The following NR2F1-AS1 variants were observed in gnomAD, a reference collection of about 807,000 sequenced individuals.
NR2F1-AS1 encodes NR2F1 regulatory antisense RNA 1.
intron 1 of NR2F1-AS1, chr5:93,570,305 A>T (rs1319041044): frequency 6.6e-6 from 1 of 152,354 alleles, no homozygotes; most frequent in Non-Finnish European, 1.5e-5. Context: ...TCCTACCCCT[A>T]CCAGCAGCCC....
chr5:93,496,757 T>C (rs910906978), intron 4 of NR2F1-AS1, among the ~76,000 whole-genome samples: 10 of 152,186 alleles, frequency 6.6e-5, no homozygotes, highest in Admixed American at 5.9e-4. Context: ...ATATTCATAT[T>C]TGGTATCTCA....
intron 4 of NR2F1-AS1, among the ~76,000 whole-genome samples, chr5:93,466,976 C>G (rs1186011574): frequency 7.0e-6 from 1 of 143,000 alleles, no homozygotes; most frequent in East Asian, 2.2e-4. Flanking sequence ...TCTCAGCTCT[C>G]TGCAAACTCC....
At chr5:93,474,949 C>A (rs1270240623) in intron 4 of NR2F1-AS1, among the ~76,000 whole-genome samples, 2 of 152,028 alleles carry the variant, frequency 1.3e-5, no homozygotes, top group East Asian at 3.9e-4. Context: ...CACGGTGAAA[C>A]CCCGTCTCTA....
intron 4 of NR2F1-AS1, among the ~76,000 whole-genome samples, chr5:93,522,120 T>C (rs897842704): frequency 6.6e-6 from 1 of 152,122 alleles, no homozygotes. Context: ...GGAAACGAAA[T>C]ACCACATGTT....
In NR2F1-AS1 at chr5:93,491,127, TGGTAGTCCC is replaced by T. The variant is rs1750836329; in HGVS notation, n.638+62625_638+62633del. Among the ~76,000 whole-genome samples, 3 of 151,298 alleles carry T rather than the reference TGGTAGTCCC, an allele frequency of 2.0e-5. No homozygotes were observed. In the South Asian group the frequency reaches 6.3e-4, roughly 32 times the overall value. Reference sequence around the variant, plus strand: ...ATGCTGGTGATGAGAGTGGTGGTGGTGGTAGTCCCGGTAATGGTGGTGTTTATGGTGGTT... The same window carrying T: ...ATGCTGGTGATGAGAGTGGTGGTGGTGGTAATGGTGGTGTTTATGGTGGTT... On this transcript the variant is annotated intron_variant and non_coding_transcript_variant, in intron 4 of 5. Coordinates refer to ENST00000660523, the Ensembl canonical transcript of NR2F1-AS1.
At chr5:93,421,870 C>T (rs537468661) in intron 4 of NR2F1-AS1, among the ~76,000 whole-genome samples, 1 of 152,154 alleles carries the variant, frequency 6.6e-6, no homozygotes, top group East Asian at 1.9e-4. Context: ...CATAATTGGG[C>T]TTCTGTCACT....
chr5:93,525,876 T>C (rs1022467654), intron 4 of NR2F1-AS1, among the ~76,000 whole-genome samples: 12 of 152,304 alleles, frequency 7.9e-5, no homozygotes, highest in African/African-American at 2.9e-4. Context: ...GGGAAATTTA[T>C]AGCAGTAAAT....
intron 4 of NR2F1-AS1, among the ~76,000 whole-genome samples, chr5:93,495,105 C>A (rs1750931713): frequency 6.6e-6 from 1 of 152,104 alleles, no homozygotes; most frequent in African/African-American, 2.4e-5. Context: ...ACTACTTATA[C>A]AATTTGGTGT....
chr5:93,410,963 G>A (rs745368153), intron 4 of NR2F1-AS1: 4 of 152,122 alleles, frequency 2.6e-5, no homozygotes, highest in Admixed American at 6.5e-5. Context: ...GCCATGTTAG[G>A]AGTTTTTTTG....
At chr5:93,447,439 C>A (rs540964234) in intron 4 of NR2F1-AS1, among the ~76,000 whole-genome samples, 5 of 152,088 alleles carry the variant, frequency 3.3e-5, no homozygotes, top group African/African-American at 9.7e-5. Context: ...ATGCAGCCAA[C>A]AGACACATGA....
intron 1 of NR2F1-AS1, among the ~76,000 whole-genome samples, chr5:93,566,704 AAC>A (rs1445964150): frequency 6.6e-6 from 1 of 151,990 alleles, no homozygotes; most frequent in Admixed American, 6.6e-5. Flanking sequence ...AACCTTAAAA[AAC>A]AGTCTATATT....
At chr5:93,546,476 G>A (rs1226242975) in intron 4 of NR2F1-AS1, among the ~76,000 whole-genome samples, 5 of 151,804 alleles carry the variant, frequency 3.3e-5, no homozygotes, top group Admixed American at 6.6e-5. Context: ...AGAGGGAAAT[G>A]GTTTTTTCAT....
At chr5:93,419,259 C>T (rs548402628) in intron 4 of NR2F1-AS1, among the ~76,000 whole-genome samples, 18 of 151,866 alleles carry the variant, frequency 1.2e-4, no homozygotes, top group African/African-American at 3.9e-4. Flanking sequence ...TAGAGTGATA[C>T]CATATTTGGA....
chr5:93,573,771 C>G (rs1435825766), intron 1 of NR2F1-AS1, among the ~76,000 whole-genome samples: 1 of 152,220 alleles, frequency 6.6e-6, no homozygotes, highest in Non-Finnish European at 1.5e-5. Flanking sequence ...CCGTCCTCGC[C>G]TCCTGTCCAA....
chr5:93,497,937 T>C (rs917313506), intron 4 of NR2F1-AS1, among the ~76,000 whole-genome samples: 2 of 152,212 alleles, frequency 1.3e-5, no homozygotes, highest in Non-Finnish European at 2.9e-5. Context: ...ATGCACAGCT[T>C]TAAATAGCAC....
At chr5:93,417,165 T>C (rs1413268730) in intron 4 of NR2F1-AS1, among the ~76,000 whole-genome samples, 5 of 152,204 alleles carry the variant, frequency 3.3e-5, no homozygotes, top group African/African-American at 1.2e-4. Context: ...GCCATCCCCC[T>C]GCAATTTTAT....
At chr5:93,512,394 CAA>C (rs891763358) in intron 4 of NR2F1-AS1, among the ~76,000 whole-genome samples, 11 of 152,172 alleles carry the variant, frequency 7.2e-5, no homozygotes, top group African/African-American at 2.4e-4. Context: ...GCTGTTATTA[CAA>C]AAGAGTCAAA....
chr5:93,546,661 A>G (rs1752094748), intron 4 of NR2F1-AS1, among the ~76,000 whole-genome samples: 1 of 152,162 alleles, frequency 6.6e-6, no homozygotes, highest in African/African-American at 2.4e-5. Flanking sequence ...TATCTCTGGA[A>G]TTGATCGTTT....
intron 4 of NR2F1-AS1, chr5:93,409,712 C>T (rs1415162503): frequency 6.6e-6 from 1 of 152,108 alleles, no homozygotes; most frequent in Non-Finnish European, 1.5e-5. Context: ...TACTGAGGAG[C>T]AAATAATATT....
Sources: gnomAD v4.1 joint callset for allele counts (sites outside exome capture counted in the v4.1 genomes callset) on GRCh38, gnomAD v4.1.1 for gene constraint, MANE v1.5 for transcripts, NCBI Gene and HGNC (gene_info 2026-07-23, HGNC 2026-07-21) for gene names.